The following ARHGAP42 variants were observed in gnomAD, a reference collection of about 807,000 sequenced individuals.
ARHGAP42 encodes the protein Rho GTPase activating protein 42.
In ARHGAP42, 63 loss-of-function variants were observed where a neutral mutation model predicts 125.0. The observed-to-expected ratio is 0.50, with a 90% CI of 0.41 to 0.62. The LOEUF (loss-of-function observed/expected upper bound fraction) is 0.62, where lower values mean the gene tolerates loss of function less well. ARHGAP42 is among the 20% of genes least tolerant of loss of function. The pLI is 0.00. For synonymous variants in ARHGAP42, 339 were observed against 351.0 expected (o/e 0.97, Z 0.38); for missense variants, 766 against 1,024.2 (o/e 0.75, Z 3.44).
In ARHGAP42 at chr11:100,993,022, C is replaced by T. The variant is rs79452957; in HGVS notation, c.*4221C>T. 26,764 of 254,390 alleles carry T rather than the reference C, an allele frequency of 0.11. 1,855 individuals are homozygous for T. The highest frequency in any genetic ancestry group is 0.13 in the Non-Finnish European group (15,962 of 123,836). 15.8% of individuals were successfully genotyped at this position (254,390 alleles called of 1,614,324 possible). On this transcript the variant is annotated 3_prime_UTR_variant, in exon 24 of 24. Transcript: ENST00000298815. ...AAAAACCAGAGACCATTTTCATTTA[C>T]TGCCATCATAAATATTCTCCACCAT...
chr11:100,773,345 T>C (rs1863027679), intron 2 of ARHGAP42, among the ~76,000 whole-genome samples: 1 of 152,200 alleles, frequency 6.6e-6, no homozygotes, highest in Admixed American at 6.5e-5. Context: ...TATAATTTGG[T>C]ATTTTTTTCT....
chr11:100,912,521 G>T (rs949651385), intron 4 of ARHGAP42, among the ~76,000 whole-genome samples: 1 of 152,106 alleles, frequency 6.6e-6, no homozygotes, highest in East Asian at 1.9e-4. Context: ...TGAAATAAAA[G>T]GAAGGAGTAG....
intron 22 of ARHGAP42, chr11:100,986,330 G>A: frequency 3.2e-6 from 1 of 316,140 alleles, no homozygotes; most frequent in South Asian, 2.7e-5. Context: ...AACATCTCAG[G>A]ACATGGACAT....
intron 4 of ARHGAP42, among the ~76,000 whole-genome samples, chr11:100,899,734 G>GTGTTTTTTTTTTTTTTTTTT (rs1866484608): frequency 1.6e-5 from 1 of 63,798 alleles, no homozygotes; most frequent in Non-Finnish European, 3.1e-5. Flanking sequence ...TTTTTTTTTT[G>GTGTTTTTTTTTTTTTTTTTT]TTTTTTTTTG....
chr11:100,733,217 GTTTCCTTA>G (rs1158223428), intron 1 of ARHGAP42, among the ~76,000 whole-genome samples: 1 of 152,152 alleles, frequency 6.6e-6, no homozygotes, highest in Non-Finnish European at 1.5e-5. Context: ...CCAAACCTTA[GTTTCCTTA>G]TCTATGAAAT....
rs1867894391 is a variant in ARHGAP42, at chr11:100,941,787, C to T, written c.836C>T (p.Pro279Leu). 3.3e-6 allele frequency: 5 copies of T among 1,502,276 alleles called. No individual in the cohort carries two copies. The highest frequency in any genetic ancestry group is 4.4e-6 in the Non-Finnish European group (5 of 1,128,094). 93.1% of individuals were successfully genotyped at this position (1,502,276 alleles called of 1,614,324 possible). ...EGYLYVQEKR[P>L]LGFTWIKHYC... is the part of the protein sequence containing the mutation. ...TTTTTTTGTTTCCTTACATTAGGAC[C>T]GCTTGGTTTTACATGGATTAAACAT... The change falls in exon 9 of 24, where the codon CCG (proline) becomes CTG (leucine). Residue 279 changes from proline (P) to leucine (L), a missense_variant. Coordinates refer to ENST00000298815, the MANE Select transcript of ARHGAP42 (RefSeq NM_152432.4).
chr11:100,835,731 T>C (rs1864770680), intron 3 of ARHGAP42, among the ~76,000 whole-genome samples: 1 of 152,132 alleles, frequency 6.6e-6, no homozygotes, highest in Non-Finnish European at 1.5e-5. Context: ...TTATTTAGTC[T>C]TCATTTGGTT....
At chr11:100,820,063 GA>G (rs1864367648) in intron 3 of ARHGAP42, among the ~76,000 whole-genome samples, 2 of 152,226 alleles carry the variant, frequency 1.3e-5, no homozygotes, top group South Asian at 4.2e-4. Context: ...CAGTAAATAT[GA>G]AAAGGTAAAG....
chr11:100,815,795 A>T (rs1474911694), intron 3 of ARHGAP42, among the ~76,000 whole-genome samples: 1 of 152,150 alleles, frequency 6.6e-6, no homozygotes, highest in Non-Finnish European at 1.5e-5. Context: ...ATTACACAAC[A>T]GTTCCCTATC....
chr11:100,776,333 C>T (rs1863119672), intron 2 of ARHGAP42, among the ~76,000 whole-genome samples: 2 of 152,184 alleles, frequency 1.3e-5, no homozygotes, highest in Non-Finnish European at 1.5e-5. Context: ...ATGACCTAGA[C>T]TCTCAGGAAA....
intron 4 of ARHGAP42, among the ~76,000 whole-genome samples, chr11:100,875,435 C>T (rs1028368052): frequency 3.3e-5 from 5 of 152,104 alleles, no homozygotes; most frequent in Non-Finnish European, 7.4e-5. Context: ...GCTTCGGAGC[C>T]ATCCCTGCCA....
chr11:100,747,092 T>G (rs1043832285), intron 1 of ARHGAP42, among the ~76,000 whole-genome samples: 2 of 152,142 alleles, frequency 1.3e-5, no homozygotes, highest in African/African-American at 4.8e-5. Context: ...TATTGGAAAC[T>G]CCAAAGGTGG....
At chr11:100,841,021 AC>A (rs1864934388) in intron 3 of ARHGAP42, among the ~76,000 whole-genome samples, 1 of 152,136 alleles carries the variant, frequency 6.6e-6, no homozygotes, top group Non-Finnish European at 1.5e-5. Context: ...GTGTAGTATA[AC>A]TTTGACATGT....
intron 2 of ARHGAP42, among the ~76,000 whole-genome samples, chr11:100,785,673 A>G (rs1863416416): frequency 6.6e-6 from 1 of 152,186 alleles, no homozygotes; most frequent in Non-Finnish European, 1.5e-5. Context: ...TCCTGATGGC[A>G]GGAAACATGG....
chr11:100,785,759 A>T (rs1051865414), intron 2 of ARHGAP42, among the ~76,000 whole-genome samples: 3 of 152,114 alleles, frequency 2.0e-5, no homozygotes, highest in African/African-American at 7.2e-5. Context: ...GATACTTGGC[A>T]CTCGATTACT....
At chr11:100,732,011 A>G (rs1489616361) in intron 1 of ARHGAP42, among the ~76,000 whole-genome samples, 2 of 151,028 alleles carry the variant, frequency 1.3e-5, no homozygotes, top group African/African-American at 2.4e-5. Flanking sequence ...CTGGAGTGCA[A>G]TGACGTGATC....
At chr11:100,829,156 T>C (rs1464563111) in intron 3 of ARHGAP42, among the ~76,000 whole-genome samples, 1 of 151,998 alleles carries the variant, frequency 6.6e-6, no homozygotes, top group Admixed American at 6.6e-5. Flanking sequence ...TTTGTGGCAG[T>C]TGGCACTTTC....
chr11:100,945,235 A>T (rs1396700182), intron 10 of ARHGAP42, among the ~76,000 whole-genome samples: 3 of 152,054 alleles, frequency 2.0e-5, no homozygotes, highest in Non-Finnish European at 4.4e-5. Flanking sequence ...AGAAGGCTCC[A>T]CTTCTAATTC....
intron 1 of ARHGAP42, among the ~76,000 whole-genome samples, chr11:100,716,506 T>C (rs1565539271): frequency 1.3e-5 from 2 of 152,194 alleles, no homozygotes; most frequent in Non-Finnish European, 2.9e-5. Flanking sequence ...AATTTACTGA[T>C]TGTCAATTTC....
Sources: allele counts gnomAD v4.1 joint callset (sites outside exome capture counted in the v4.1 genomes callset), GRCh38; gene constraint gnomAD v4.1.1; transcripts MANE v1.5; gene names NCBI Gene and HGNC (gene_info 2026-07-23, HGNC 2026-07-21).